The following CARMIL1 variants were observed in gnomAD, a reference collection of about 807,000 sequenced individuals.
CARMIL1 encodes F-actin-uncapping protein LRRC16A.
CARMIL1 carries 90 observed loss-of-function variants against 177.1 expected under a neutral mutation model. The ratio of observed to expected loss-of-function variants is 0.51; its 90% CI spans 0.43 to 0.61. The LOEUF is 0.61. Among genes scored for constraint, CARMIL1 ranks in the 20% least tolerant of loss-of-function variants. The pLI is 0.00. For missense variants in CARMIL1, 1,380 were observed against 1,667.0 expected (o/e 0.83, Z 3.00); for synonymous variants, 577 against 606.2 (o/e 0.95, Z 0.71).
intron 2 of CARMIL1, among the ~76,000 whole-genome samples, chr6:25,358,386 T>C (rs1214833403): frequency 6.6e-6 from 1 of 152,116 alleles, no homozygotes; most frequent in Non-Finnish European, 1.5e-5. Flanking sequence ...AAAAAGTATA[T>C]AAGTAGACAG....
chr6:25,576,229 T>G (rs1812573321), intron 29 of CARMIL1, among the ~76,000 whole-genome samples: 1 of 152,140 alleles, frequency 6.6e-6, no homozygotes, highest in Non-Finnish European at 1.5e-5. Context: ...TTAGAGATTT[T>G]TTTTTAAATC....
chr6:25,408,238 A>G (rs897065826), intron 2 of CARMIL1, among the ~76,000 whole-genome samples: 1 of 149,366 alleles, frequency 6.7e-6, no homozygotes, highest in African/African-American at 2.5e-5. Flanking sequence ...CAGTGAGCCG[A>G]GATTGCACCA....
Position 25,539,987 on chromosome 6 carries a change from C to T in CARMIL1, c.2237C>T (p.Ala746Val), listed in dbSNP as rs201096469. The stretch of plus-strand genomic sequence containing the variant: ...TACCATGTTGGTGGTGCATCTTGGG[C>T]GGGAGCCAGTGGCTTACTATCCAGT... ...NLYHVGGASW[A>V]GASGLLSSPI... The change falls in exon 26 of 37, where the codon GCG becomes GTG. Residue 746 changes from alanine to valine, a missense_variant. Ala to Val is a moderately conservative substitution (Grantham distance 64, BLOSUM62 0). Transcript: ENST00000329474. 259 of 1,603,424 alleles carry T rather than the reference C, an allele frequency of 1.6e-4. 1 individual carries two copies. The highest frequency in any genetic ancestry group is 2.0e-4 in the Non-Finnish European group (232 of 1,175,670).
At chr6:25,516,992 C>T (rs754903382) in intron 21 of CARMIL1, among the ~76,000 whole-genome samples, 1 of 152,122 alleles carries the variant, frequency 6.6e-6, no homozygotes, top group Non-Finnish European at 1.5e-5. Flanking sequence ...TTGTAAATAG[C>T]TTCCACCTCA....
intron 35 of CARMIL1, among the ~76,000 whole-genome samples, chr6:25,607,383 A>T (rs547403289): frequency 2.0e-5 from 3 of 152,318 alleles, no homozygotes; most frequent in African/African-American, 7.2e-5. Context: ...ATCATGGCTA[A>T]TCTTTGAGCA....
chr6:25,475,156 A>G (rs1175508366), intron 11 of CARMIL1, among the ~76,000 whole-genome samples: 1 of 152,240 alleles, frequency 6.6e-6, no homozygotes, highest in Non-Finnish European at 1.5e-5. Flanking sequence ...CTGTAATCCC[A>G]GCACTTTGGG....
At chr6:25,307,560 T>C (rs1783377224) in intron 2 of CARMIL1, among the ~76,000 whole-genome samples, 1 of 152,262 alleles carries the variant, frequency 6.6e-6, no homozygotes, top group Non-Finnish European at 1.5e-5. Flanking sequence ...CCAGGTTTTG[T>C]TTTGCTAAAG....
intron 13 of CARMIL1, among the ~76,000 whole-genome samples, chr6:25,490,624 G>A (rs1245498276): frequency 6.6e-6 from 1 of 151,984 alleles, no homozygotes; most frequent in Admixed American, 6.6e-5. Context: ...CTTGATGCCG[G>A]GAAGTGGAGG....
chr6:25,404,929 T>G (rs9467501), intron 2 of CARMIL1, among the ~76,000 whole-genome samples: 31,749 of 152,070 alleles, frequency 0.21, 3,463 homozygotes, highest in Middle Eastern at 0.32. Flanking sequence ...TGGTTCCCAC[T>G]GAGGCACGGC....
chr6:25,555,490 C>T (rs1217897604), intron 28 of CARMIL1, among the ~76,000 whole-genome samples: 6 of 152,072 alleles, frequency 3.9e-5, no homozygotes, highest in Admixed American at 3.3e-4. Flanking sequence ...AACCTCTGCC[C>T]CTAGGTTCAA....
At chr6:25,327,817 T>A (rs531729908) in intron 2 of CARMIL1, among the ~76,000 whole-genome samples, 3 of 152,348 alleles carry the variant, frequency 2.0e-5, no homozygotes, top group Admixed American at 2.0e-4. Context: ...TCTTAATCTG[T>A]CACTTAGCAA....
At chr6:25,316,824 C>T (rs1221814738) in intron 2 of CARMIL1, among the ~76,000 whole-genome samples, 1 of 152,096 alleles carries the variant, frequency 6.6e-6, no homozygotes, top group Non-Finnish European at 1.5e-5. Flanking sequence ...TAATTCACAG[C>T]CTGCAGATTA....
chr6:25,464,057 C>T (rs1273835329), intron 8 of CARMIL1, among the ~76,000 whole-genome samples: 4 of 152,010 alleles, frequency 2.6e-5, no homozygotes, highest in African/African-American at 9.7e-5. Context: ...CTCCTGACCT[C>T]GTGATCCGCC....
At chr6:25,499,035 A>G (rs1804032719) in intron 16 of CARMIL1, among the ~76,000 whole-genome samples, 1 of 152,118 alleles carries the variant, frequency 6.6e-6, no homozygotes, top group South Asian at 2.1e-4. Context: ...TCATAGCTGG[A>G]GGCAGCCGAG....
intron 2 of CARMIL1, among the ~76,000 whole-genome samples, chr6:25,414,532 T>C (rs918474656): frequency 2.0e-5 from 3 of 152,192 alleles, no homozygotes; most frequent in Non-Finnish European, 4.4e-5. Context: ...CTTTAAATCC[T>C]AGGGCAGTTT....
chr6:25,300,204 T>C (rs778334898), intron 2 of CARMIL1, among the ~76,000 whole-genome samples: 1 of 152,232 alleles, frequency 6.6e-6, no homozygotes, highest in African/African-American at 2.4e-5. Context: ...GCATTTAAAA[T>C]GCTTATTTTT....
chr6:25,442,055 A>G (rs1422867475), intron 5 of CARMIL1, among the ~76,000 whole-genome samples: 3 of 152,060 alleles, frequency 2.0e-5, no homozygotes, highest in Non-Finnish European at 4.4e-5. Context: ...AGCAGTAGGT[A>G]GCCTTTTGTT....
chr6:25,389,152 C>T (rs1302628921), intron 2 of CARMIL1: 1 of 152,224 alleles, frequency 6.6e-6, no homozygotes, highest in Non-Finnish European at 1.5e-5. Context: ...CTGTGCTTGT[C>T]TCATCCACAG....
At chr6:25,561,470 G>A (rs929499036) in intron 29 of CARMIL1, among the ~76,000 whole-genome samples, 2 of 152,072 alleles carry the variant, frequency 1.3e-5, no homozygotes, top group African/African-American at 2.4e-5. Context: ...GCTGTTCCTA[G>A]GAAAAGAATC....
Sources: gnomAD v4.1 joint callset for allele counts (sites outside exome capture counted in the v4.1 genomes callset) on GRCh38, gnomAD v4.1.1 for gene constraint, MANE v1.5 for transcripts, NCBI Gene and HGNC (gene_info 2026-07-23, HGNC 2026-07-21) for gene names.